FLI1: variants seen among roughly 807,000 people sequenced by gnomAD.
FLI1 encodes Friend leukemia integration 1 transcription factor.
FLI1 carries 13 observed loss-of-function variants against 53.1 expected under a neutral mutation model. That is an observed-to-expected ratio of 0.24 (90% CI 0.16 to 0.39). FLI1 has a LOEUF of 0.39. Ranked by LOEUF, FLI1 falls within the 10% of genes least tolerant of loss-of-function variation. FLI1 has a pLI of 1.00. For synonymous variants in FLI1, 244 were observed against 236.7 expected (o/e 1.03, Z -0.28); for missense variants, 424 against 600.5 (o/e 0.71, Z 3.07).
chr11:128,802,561 T>C (rs1942663903), intron 5 of FLI1, among the ~76,000 whole-genome samples: 1 of 152,278 alleles, frequency 6.6e-6, no homozygotes, highest in African/African-American at 2.4e-5. Flanking sequence ...TCAGGCTGAC[T>C]GCTGGGTGGC....
chr11:128,772,265 C>T (rs643966), intron 3 of FLI1, among the ~76,000 whole-genome samples: 78,358 of 151,982 alleles, frequency 0.52, 20,655 homozygotes, highest in Admixed American at 0.63. Flanking sequence ...CAGCTGTGCT[C>T]AAAAGGAGAA....
chr11:128,775,462 C>T (rs866119926), intron 4 of FLI1, among the ~76,000 whole-genome samples: 2 of 152,040 alleles, frequency 1.3e-5, no homozygotes, highest in African/African-American at 4.8e-5. Flanking sequence ...TAGATTCATG[C>T]TGCTTTTTAA....
intron 3 of FLI1, 149 bp from the exon 4 acceptor site, chr11:128,772,633 G>A: frequency 1.5e-6 from 1 of 678,258 alleles, no homozygotes; most frequent in Non-Finnish European, 2.6e-6. Flanking sequence ...AGCCTGATGA[G>A]TGTTCTAGGG....
At chr11:128,790,483 T>G (rs925241969) in intron 5 of FLI1, among the ~76,000 whole-genome samples, 4 of 152,196 alleles carry the variant, frequency 2.6e-5, no homozygotes, top group Non-Finnish European at 5.9e-5. Context: ...TGAATTCAAT[T>G]TGACAGCTTG....
At chr11:128,707,800 T>C (rs971642505) in intron 1 of FLI1, among the ~76,000 whole-genome samples, 3 of 152,180 alleles carry the variant, frequency 2.0e-5, no homozygotes, top group Non-Finnish European at 4.4e-5. Context: ...AGCACCCTTT[T>C]AAAAAATTTA....
chr11:128,776,285 TC>T (rs1196653615), intron 4 of FLI1, among the ~76,000 whole-genome samples: 3 of 146,098 alleles, frequency 2.1e-5, no homozygotes, highest in East Asian at 2.1e-4. Context: ...CGCCCACCCC[TC>T]CCCCCCACCA....
At chr11:128,786,324 G>A (rs1352133986) in intron 5 of FLI1, among the ~76,000 whole-genome samples, 1 of 152,166 alleles carries the variant, frequency 6.6e-6, no homozygotes, top group Admixed American at 6.5e-5. Context: ...TATTGATAAA[G>A]GTATAGGTAA....
chr11:128,774,331 C>T (rs1941671181), intron 4 of FLI1, among the ~76,000 whole-genome samples: 1 of 152,186 alleles, frequency 6.6e-6, no homozygotes, highest in South Asian at 2.1e-4. Context: ...TACCTCATGT[C>T]TGAGTCTTGC....
chr11:128,723,168 G>A (rs371298099), intron 1 of FLI1, among the ~76,000 whole-genome samples: 9 of 152,260 alleles, frequency 5.9e-5, no homozygotes, highest in East Asian at 3.9e-4. Context: ...CACATTGTCC[G>A]TTAGGATTTA....
chr11:128,704,607 T>C (rs1223701952), intron 1 of FLI1, among the ~76,000 whole-genome samples: 3 of 152,246 alleles, frequency 2.0e-5, no homozygotes, highest in Non-Finnish European at 4.4e-5. Flanking sequence ...AATAATTTGA[T>C]GTCCAAGGAG....
intron 8 of FLI1, among the ~76,000 whole-genome samples, chr11:128,809,628 T>C (rs1040472547): frequency 2.0e-5 from 3 of 152,264 alleles, no homozygotes; most frequent in African/African-American, 7.2e-5. Context: ...CCAAGTTATC[T>C]GGCCTTATAA....
At chr11:128,739,529 A>G (rs1251199848) in intron 1 of FLI1, among the ~76,000 whole-genome samples, 1 of 150,936 alleles carries the variant, frequency 6.6e-6, no homozygotes, top group African/African-American at 2.4e-5. Context: ...CACCTTCCCT[A>G]CCTCCTTTGG....
intron 1 of FLI1, among the ~76,000 whole-genome samples, chr11:128,717,317 C>G (rs1245336636): frequency 1.3e-4 from 20 of 152,168 alleles, no homozygotes; most frequent in Admixed American, 1.3e-3. Context: ...GAGGACCTCA[C>G]TAATAGAAAA....
At chr11:128,708,949 G>A (rs1938670539) in intron 1 of FLI1, among the ~76,000 whole-genome samples, 1 of 152,186 alleles carries the variant, frequency 6.6e-6, no homozygotes, top group South Asian at 2.1e-4. Context: ...GTGCTGTAAG[G>A]TGCTTCTTGC....
At chr11:128,744,025 CTG>C (rs1375883338) in intron 1 of FLI1, among the ~76,000 whole-genome samples, 11 of 152,114 alleles carry the variant, frequency 7.2e-5, no homozygotes, top group African/African-American at 2.7e-4. Context: ...GAGAGGGAGT[CTG>C]AGCTCTGTGA....
chr11:128,795,433 A>G (rs1405820440), intron 5 of FLI1, among the ~76,000 whole-genome samples: 1 of 152,252 alleles, frequency 6.6e-6, no homozygotes, highest in Admixed American at 6.5e-5. Flanking sequence ...GCTCCAATAA[A>G]GGAAGAACCA....
chr11:128,692,457 A>G (rs373602834), upstream of FLI1, among the ~76,000 whole-genome samples: 2 of 67,340 alleles, frequency 3.0e-5, no homozygotes, highest in Admixed American at 3.5e-4. Flanking sequence ...CACCCCCAAC[A>G]CGCACACCAA....
intron 4 of FLI1, among the ~76,000 whole-genome samples, chr11:128,779,749 A>G (rs1941851999): frequency 6.6e-6 from 1 of 152,236 alleles, no homozygotes; most frequent in Non-Finnish European, 1.5e-5. Flanking sequence ...GGCAGGTCTA[A>G]TTTTAAAGTC....
At chr11:128,687,312 A>T (rs962378697) in intron 1 of FLI1, among the ~76,000 whole-genome samples, 1 of 152,146 alleles carries the variant, frequency 6.6e-6, no homozygotes, top group Non-Finnish European at 1.5e-5. Context: ...AATGTAAACA[A>T]ACTGAAGCTG....
Sources: gnomAD v4.1 joint callset for allele counts (sites outside exome capture counted in the v4.1 genomes callset) on GRCh38, gnomAD v4.1.1 for gene constraint, MANE v1.5 for transcripts, NCBI Gene and HGNC (gene_info 2026-07-23, HGNC 2026-07-21) for gene names.